The following HMCN1 variants were observed in gnomAD, a reference collection of about 807,000 sequenced individuals.
The protein encoded by HMCN1 is hemicentin 1.
A neutral mutation model predicts 625.9 loss-of-function variants in HMCN1; 321 were observed. The observed-to-expected ratio is 0.51, with a 90% CI of 0.47 to 0.56. The LOEUF (loss-of-function observed/expected upper bound fraction) is 0.56. Ranked by LOEUF, HMCN1 falls within the 20% of genes least tolerant of loss-of-function variation. The probability of loss-of-function intolerance (pLI) is 0.00; values close to 1 mark genes in which losing one functional copy is unlikely to be tolerated. For synonymous variants in HMCN1, 2,425 were observed against 2,417.6 expected (o/e 1.00, Z -0.09); for missense variants, 6,588 against 6,887.3 (o/e 0.96, Z 1.54).
At chr1:185,780,279 C>T (rs556801508) in intron 1 of HMCN1, among the ~76,000 whole-genome samples, 3 of 152,326 alleles carry the variant, frequency 2.0e-5, no homozygotes, top group Non-Finnish European at 4.4e-5. Context: ...AATATACAAT[C>T]ATGTCATCTG....
chr1:185,787,499 G>A (rs1045862953), intron 1 of HMCN1, among the ~76,000 whole-genome samples: 2 of 152,178 alleles, frequency 1.3e-5, no homozygotes, highest in African/African-American at 4.8e-5. Context: ...ACTGCCTGTT[G>A]TCTGAGAGCT....
chr1:186,057,136 G>A, intron 45 of HMCN1, 98 bp from the exon 46 acceptor site: 2 of 992,046 alleles, frequency 2.0e-6, no homozygotes, highest in Non-Finnish European at 3.1e-6. Context: ...AACATACACT[G>A]TTTAGGATTT....
Position 186,113,589 on chromosome 1 carries a change from C to T in HMCN1, c.11132-390C>T, listed in dbSNP as rs558477876. Among the ~76,000 whole-genome samples the T allele has an allele frequency of 1.1e-4, 16 of 152,246 alleles. No homozygotes were observed. The East Asian group carries it at 2.7e-3, about 26-fold the overall frequency. ...CAGATGTGCTTTTTGTTAAAACAGCCCACTTTCTGTTCTTCATTTAAAGTG... is the reference window on the plus strand; with the variant it reads ...CAGATGTGCTTTTTGTTAAAACAGCTCACTTTCTGTTCTTCATTTAAAGTG... On this transcript the variant is annotated intron_variant, in intron 72 of 106. Transcript: ENST00000271588.
intron 11 of HMCN1, among the ~76,000 whole-genome samples, chr1:185,946,905 A>G (rs1238588633): frequency 1.3e-5 from 2 of 152,230 alleles, no homozygotes; most frequent in African/African-American, 4.8e-5. Context: ...TCTTAAGAAA[A>G]GAAATCTTGA....
intron 105 of HMCN1, among the ~76,000 whole-genome samples, chr1:186,185,022 A>G (rs961196818): frequency 5.3e-5 from 8 of 152,300 alleles, no homozygotes; most frequent in Admixed American, 3.9e-4. Flanking sequence ...GTAATAGACC[A>G]GAGACAGAAG....
intron 24 of HMCN1, 111 bp downstream of exon 24, chr1:185,995,198 A>G (rs1447238941): frequency 3.9e-6 from 4 of 1,021,626 alleles, no homozygotes; most frequent in African/African-American, 3.2e-5. Context: ...AAAGAGTTCT[A>G]TATAACTTTT....
rs899818077 is a variant in HMCN1, at chr1:185,812,300, T to G, written c.269-33726T>G. 2.0e-5 allele frequency among the ~76,000 whole-genome samples: 3 copies of G among 152,122 alleles called. No individual in the cohort carries two copies. In the East Asian group the frequency reaches 5.8e-4, roughly 29 times the overall value. On this transcript the variant is annotated intron_variant, in intron 1 of 106. Transcript: ENST00000271588. The stretch of plus-strand genomic sequence containing the variant: ...TTTTGGCATGTTTGATTGAGAAATG[T>G]AACACATTCAAATCAACGGAAAATA...
chr1:185,854,962 A>G lies in HMCN1; in HGVS notation c.339+8866A>G, dbSNP rs150201049. On this transcript the variant is annotated intron_variant, in intron 2 of 106. Transcript: ENST00000271588. ...ATGTGCTAGACGGCATGCAGAATCC[A>G]TATGTGAGTGTTGGAGCAGAAGGAA... 9.2e-4 allele frequency among the ~76,000 whole-genome samples: 140 copies of G among 152,294 alleles called. 6 individuals are homozygous for G. The East Asian group carries it at 0.025, about 27-fold the overall frequency.
intron 4 of HMCN1, among the ~76,000 whole-genome samples, chr1:185,893,821 G>C (rs1665303516): frequency 6.6e-6 from 1 of 152,066 alleles, no homozygotes; most frequent in African/African-American, 2.4e-5. Context: ...GTGCACATAA[G>C]CATACAGCTT....
chr1:186,023,292 T>TG (rs2102166478), intron 36 of HMCN1, 139 bp downstream of exon 36: 3 of 709,974 alleles, frequency 4.2e-6, no homozygotes, highest in African/African-American at 1.8e-5. Context: ...CCTAGGGTTT[T>TG]TTTTTTTTTT....
intron 1 of HMCN1, among the ~76,000 whole-genome samples, chr1:185,786,079 T>C (rs910608961): frequency 1.3e-5 from 2 of 152,208 alleles, no homozygotes; most frequent in African/African-American, 4.8e-5. Context: ...TCTCAGGGAA[T>C]AGAGATTAAC....
intron 11 of HMCN1, among the ~76,000 whole-genome samples, chr1:185,954,260 A>G (rs1649456882): frequency 6.6e-6 from 1 of 152,192 alleles, no homozygotes; most frequent in Non-Finnish European, 1.5e-5. Flanking sequence ...AACAGTTCCT[A>G]TTATGTTTTC....
intron 9 of HMCN1, among the ~76,000 whole-genome samples, chr1:185,928,164 C>A (rs752300377): frequency 6.6e-6 from 1 of 151,946 alleles, no homozygotes; most frequent in South Asian, 2.1e-4. Flanking sequence ...TTGTATATTG[C>A]CTAATTAAAT....
chr1:185,961,204 G>A (rs560359614), intron 11 of HMCN1, among the ~76,000 whole-genome samples: 8 of 152,108 alleles, frequency 5.3e-5, no homozygotes, highest in African/African-American at 1.7e-4. Context: ...AGCTGCTGCC[G>A]CCCAGCATAC....
intron 1 of HMCN1, among the ~76,000 whole-genome samples, chr1:185,843,732 C>A (rs1661635761): frequency 6.6e-6 from 1 of 152,168 alleles, no homozygotes; most frequent in Non-Finnish European, 1.5e-5. Context: ...ATTACCTCTC[C>A]TGAGTATTTC....
Position 185,811,410 on chromosome 1 carries a change from T to C in HMCN1, c.269-34616T>C, listed in dbSNP as rs528942910. On this transcript the variant is annotated intron_variant, in intron 1 of 106. Coordinates refer to ENST00000271588, the MANE Select transcript of HMCN1 (RefSeq NM_031935.3). ...GTGAGGACTAGCCTGGGCGATATAGTGAGACCTCAGCTCTAAAAAAAAAAA... is the reference window on the plus strand; with the variant it reads ...GTGAGGACTAGCCTGGGCGATATAGCGAGACCTCAGCTCTAAAAAAAAAAA... Among the ~76,000 whole-genome samples, 137 of 151,988 alleles carry C rather than the reference T, an allele frequency of 9.0e-4. No individual in the cohort carries two copies. The Middle Eastern group carries it at 0.01, about 11-fold the overall frequency.
intron 4 of HMCN1, among the ~76,000 whole-genome samples, chr1:185,902,277 A>G (rs1339708572): frequency 1.3e-5 from 2 of 151,092 alleles, no homozygotes; most frequent in East Asian, 1.9e-4. Context: ...AGACTGTTTT[A>G]TGGAAGAGAG....
intron 11 of HMCN1, among the ~76,000 whole-genome samples, chr1:185,935,545 A>G (rs974223227): frequency 2.6e-5 from 4 of 152,122 alleles, no homozygotes; most frequent in Admixed American, 1.3e-4. Context: ...TTATCCAACA[A>G]TTTTAAAAAG....
intron 11 of HMCN1, among the ~76,000 whole-genome samples, chr1:185,944,908 C>T (rs1668260429): frequency 1.3e-5 from 2 of 152,014 alleles, no homozygotes; most frequent in African/African-American, 4.8e-5. Context: ...TATTTATGTC[C>T]GAATGTGTAC....
Sources: gnomAD v4.1 joint callset for allele counts (sites outside exome capture counted in the v4.1 genomes callset) on GRCh38, gnomAD v4.1.1 for gene constraint, MANE v1.5 for transcripts, NCBI Gene and HGNC (gene_info 2026-07-23, HGNC 2026-07-21) for gene names.